The following PRR16 variants were observed in gnomAD, a reference collection of about 807,000 sequenced individuals.
PRR16 encodes protein Largen.
Under a neutral mutation model 18.2 loss-of-function variants are expected in PRR16, and 6 were observed. That is an observed-to-expected ratio of 0.33 (90% CI 0.18 to 0.65). The LOEUF (loss-of-function observed/expected upper bound fraction) is 0.65, where lower values mean the gene tolerates loss of function less well. PRR16 is among the 30% of genes least tolerant of loss of function. PRR16 has a pLI of 0.74. For synonymous variants in PRR16, 151 were observed against 147.8 expected (o/e 1.02, Z -0.16); for missense variants, 412 against 376.6 (o/e 1.09, Z -0.78).
intron 1 of PRR16, among the ~76,000 whole-genome samples, chr5:120,467,285 A>G: frequency 6.6e-6 from 1 of 152,140 alleles, no homozygotes; most frequent in East Asian, 1.9e-4. Flanking sequence ...ATGCTTTTAG[A>G]CCATAATATA....
chr5:120,582,283 T>C lies in PRR16; in HGVS notation c.160-103671T>C, dbSNP rs151048122. 3.5e-3 allele frequency among the ~76,000 whole-genome samples: 532 copies of C among 152,140 alleles called. 4 individuals carry two copies. Among genetic ancestry groups the C allele is most frequent in the African/African-American group, 0.012 (511 of 41,516 alleles). On this transcript the variant is annotated intron_variant, in intron 1 of 1. Transcript: ENST00000407149. ...AGACATGGATATAAAGTTGGAAATATAGAAAGTGGAATCTCTAAAAAGGGC... is the reference window on the plus strand; with the variant it reads ...AGACATGGATATAAAGTTGGAAATACAGAAAGTGGAATCTCTAAAAAGGGC...
chr5:120,788,692 C>G, the PRR16 span, among the ~76,000 whole-genome samples: 1 of 152,096 alleles, frequency 6.6e-6, no homozygotes, highest in African/African-American at 2.4e-5. Context: ...CTTGCATCTT[C>G]TTAAGCAACT....
chr5:120,537,242 A>G lies in PRR16; in HGVS notation c.159+72597A>G, dbSNP rs111233589. On this transcript the variant is annotated intron_variant, in intron 1 of 1. Transcript: ENST00000407149. ...AAAAATCCCAGAAGAACATTCATTT[A>G]TGAATTGAATTTGAATACATGGAAA... Among the ~76,000 whole-genome samples, 542 of 152,370 alleles carry G rather than the reference A, an allele frequency of 3.6e-3. 2 individuals carry two copies. Among genetic ancestry groups the G allele is most frequent in the African/African-American group, 0.012 (519 of 41,590 alleles).
chr5:120,735,663 T>TTTGGTG, the PRR16 span, among the ~76,000 whole-genome samples: 6,993 of 151,632 alleles, frequency 0.046, 571 homozygotes, highest in African/African-American at 0.16. Context: ...TACTCATATT[T>TTTGGTG]TTGTTGTTGT....
chr5:120,556,640 G>A (rs535676180), intron 1 of PRR16, among the ~76,000 whole-genome samples: 2 of 151,972 alleles, frequency 1.3e-5, no homozygotes, highest in East Asian at 3.9e-4. Context: ...TAAGAGTGTT[G>A]CTGGCACAGC....
At chr5:120,772,431 A>T in the PRR16 span, among the ~76,000 whole-genome samples, 1 of 152,106 alleles carries the variant, frequency 6.6e-6, no homozygotes. Flanking sequence ...TGCATAATTC[A>T]ATAATGGTTG....
At chr5:120,564,880 G>A (rs1752687215) in intron 1 of PRR16, among the ~76,000 whole-genome samples, 1 of 151,928 alleles carries the variant, frequency 6.6e-6, no homozygotes, top group Admixed American at 6.6e-5. Flanking sequence ...CAGCTACTCG[G>A]GAGGCTGAGG....
At chr5:120,492,293 T>TGTGTGG (rs1184573815) in intron 1 of PRR16, among the ~76,000 whole-genome samples, 1 of 106,524 alleles carries the variant, frequency 9.4e-6, no homozygotes, top group African/African-American at 3.1e-5. Flanking sequence ...TGTGTGTGTG[T>TGTGTGG]GTGTGTGGAG....
the PRR16 span, among the ~76,000 whole-genome samples, chr5:120,767,487 A>G: frequency 6.6e-6 from 1 of 151,916 alleles, no homozygotes; most frequent in Non-Finnish European, 1.5e-5. Context: ...CAGGAAAGAC[A>G]TAAGTGAAGG....
the PRR16 span, among the ~76,000 whole-genome samples, chr5:120,703,305 A>G: frequency 1.3e-5 from 2 of 152,168 alleles, no homozygotes; most frequent in Admixed American, 1.3e-4. Flanking sequence ...GGTGGGGCAA[A>G]GTGTATTCAC....
chr5:120,485,565 T>C (rs970558249), intron 1 of PRR16, among the ~76,000 whole-genome samples: 2 of 152,178 alleles, frequency 1.3e-5, no homozygotes, highest in African/African-American at 2.4e-5. Flanking sequence ...GTGCACAGAA[T>C]AGAGTAAAAC....
At chr5:120,673,476 A>T (rs1425612112) in intron 1 of PRR16, among the ~76,000 whole-genome samples, 1 of 152,232 alleles carries the variant, frequency 6.6e-6, no homozygotes, top group African/African-American at 2.4e-5. Flanking sequence ...TTTTTACATC[A>T]TTTAGTGTTT....
At chr5:120,467,955 T>A (rs1749155007) in intron 1 of PRR16, among the ~76,000 whole-genome samples, 1 of 152,138 alleles carries the variant, frequency 6.6e-6, no homozygotes, top group African/African-American at 2.4e-5. Flanking sequence ...CCAAGATGAA[T>A]AAGGCATAGT....
chr5:120,732,734 AAGG>A, the PRR16 span, among the ~76,000 whole-genome samples: 2 of 152,274 alleles, frequency 1.3e-5, no homozygotes, highest in South Asian at 4.2e-4. Context: ...GGAGTGGACC[AAGG>A]AGGAGGTACT....
chr5:120,597,123 A>G (rs1753839094), intron 1 of PRR16, among the ~76,000 whole-genome samples: 1 of 151,560 alleles, frequency 6.6e-6, no homozygotes, highest in Non-Finnish European at 1.5e-5. Flanking sequence ...TGCTTACGTA[A>G]GTTATATTTT....
At chr5:120,536,898 T>C (rs1313345319) in intron 1 of PRR16, among the ~76,000 whole-genome samples, 1 of 152,218 alleles carries the variant, frequency 6.6e-6, no homozygotes, top group Non-Finnish European at 1.5e-5. Flanking sequence ...TGTGGCAGCA[T>C]GTGTAGAGCT....
the PRR16 span, among the ~76,000 whole-genome samples, chr5:120,751,560 C>T: frequency 6.6e-6 from 1 of 151,804 alleles, no homozygotes; most frequent in Admixed American, 6.6e-5. Context: ...TTAATTTTAG[C>T]TTTACAGTTT....
the PRR16 span, among the ~76,000 whole-genome samples, chr5:120,695,221 G>T: frequency 6.6e-6 from 1 of 152,002 alleles, no homozygotes; most frequent in African/African-American, 2.4e-5. Context: ...ATCAAATAAT[G>T]ACTATATCTT....
At chr5:120,539,245 A>T (rs1197883942) in intron 1 of PRR16, among the ~76,000 whole-genome samples, 2 of 151,530 alleles carry the variant, frequency 1.3e-5, no homozygotes, top group South Asian at 4.1e-4. Context: ...TTTTCTAATA[A>T]TATTAGAAAA....
Sources: allele counts gnomAD v4.1 joint callset (sites outside exome capture counted in the v4.1 genomes callset), GRCh38; gene constraint gnomAD v4.1.1; transcripts MANE v1.5; gene names NCBI Gene and HGNC (gene_info 2026-07-23, HGNC 2026-07-21).